SYCP2L: variants seen among roughly 807,000 people sequenced by gnomAD.
The protein encoded by SYCP2L is synaptonemal complex protein 2-like.
SYCP2L carries 98 observed loss-of-function variants against 125.8 expected under a neutral mutation model. The ratio of observed to expected loss-of-function variants is 0.78; its 90% CI spans 0.66 to 0.92. The LOEUF is 0.92. Among genes scored for constraint, SYCP2L ranks in the 40% least tolerant of loss-of-function variants. SYCP2L has a pLI of 0.00. For synonymous variants in SYCP2L, 317 were observed against 325.4 expected (o/e 0.97, Z 0.28); for missense variants, 842 against 936.4 (o/e 0.90, Z 1.32).
intron 29 of SYCP2L, among the ~76,000 whole-genome samples, chr6:10,972,976 C>T (rs929260460): frequency 6.6e-6 from 1 of 152,182 alleles, no homozygotes; most frequent in Non-Finnish European, 1.5e-5. Flanking sequence ...CTGAGTGTGT[C>T]ACAGCACTCC....
At chr6:10,905,142 C>CAAAAAAAAAAAA (rs34659978) in intron 8 of SYCP2L, among the ~76,000 whole-genome samples, 14 of 54,646 alleles carry the variant, frequency 2.6e-4, no homozygotes, top group Non-Finnish European at 3.2e-4. Context: ...GACTTGGTCT[C>CAAAAAAAAAAAA]AAAAAAAAAA....
At chr6:10,924,423 T>A in intron 14 of SYCP2L, 73 bp from the exon 15 acceptor site, 2 of 1,286,194 alleles carry the variant, frequency 1.6e-6, no homozygotes, top group Non-Finnish European at 2.1e-6. Context: ...GCGTAGTTAT[T>A]TAAAATGATA....
chr6:10,955,034 C>G lies in SYCP2L; in HGVS notation c.1955-82C>G, dbSNP rs1297884114. ...GGCAGGGGACAAGTTTCAGATGGTA[C>G]TCTTCACAGTAAGACATTAACTGCC... is the stretch of plus-strand genomic sequence containing the variant. On this transcript the variant is annotated intron_variant, in intron 23 of 29. Transcript: ENST00000283141. 3.3e-6 allele frequency: 3 copies of G among 922,628 alleles called. No homozygotes were observed. The African/African-American group carries it at 4.9e-5, about 15-fold the overall frequency. 57.2% of individuals were successfully genotyped at this position (922,628 alleles called of 1,614,324 possible).
intron 23 of SYCP2L, among the ~76,000 whole-genome samples, chr6:10,952,511 C>A (rs75116929): frequency 0.027 from 4,082 of 151,652 alleles, 152 homozygotes; most frequent in East Asian, 0.2. Context: ...TTGCTTTGCC[C>A]CAGGTATGCA....
intron 21 of SYCP2L, among the ~76,000 whole-genome samples, chr6:10,938,274 G>A (rs995828880): frequency 2.6e-5 from 4 of 152,144 alleles, no homozygotes; most frequent in African/African-American, 9.7e-5. Flanking sequence ...ATCAATAAAT[G>A]TGATAAACCA....
rs183508699 is a variant in SYCP2L, at chr6:10,895,841, C to T, written c.336+1637C>T. The stretch of plus-strand genomic sequence containing the variant: ...TTGCAGACTGAACACAAAGTGTGCT[C>T]GGAAGTTCTTCTACTACATAGAATA... On this transcript the variant is annotated intron_variant, in intron 4 of 29. Transcript: ENST00000283141. 3.3e-5 allele frequency among the ~76,000 whole-genome samples: 5 copies of T among 151,512 alleles called. No homozygotes were observed. The East Asian group carries it at 8.0e-4, about 24-fold the overall frequency.
In SYCP2L at chr6:10,954,652, C is replaced by T. The variant is rs1002472085; in HGVS notation, c.1955-464C>T. Among the ~76,000 whole-genome samples the T allele has an allele frequency of 4.6e-5, 7 of 152,172 alleles. No individual in the cohort carries two copies. The highest frequency in any genetic ancestry group is 8.8e-5 in the Non-Finnish European group (6 of 68,032). On this transcript the variant is annotated intron_variant, in intron 23 of 29. Transcript: ENST00000283141. This position sits in a 1 kb window ranked among gnomAD's most constrained non-coding sequence, Gnocchi z 4.8. ...CAAAATCACTTGAGCTGTGAGGAGG[C>T]AAGATGGCCTCGTTTATGACGTAGC... is the stretch of plus-strand genomic sequence containing the variant.
intron 29 of SYCP2L, among the ~76,000 whole-genome samples, chr6:10,966,070 G>A (rs1781671103): frequency 6.6e-6 from 1 of 152,120 alleles, no homozygotes; most frequent in Admixed American, 6.5e-5. Flanking sequence ...CTGAAGTCAT[G>A]CCACTGCACT....
At chr6:10,892,967 A>C (rs1016238758) in intron 2 of SYCP2L, among the ~76,000 whole-genome samples, 1 of 106,852 alleles carries the variant, frequency 9.4e-6, no homozygotes, top group Non-Finnish European at 2.0e-5. Flanking sequence ...AATCTTTTAT[A>C]GTTTAAATGT....
chr6:10,958,841 C>G lies in SYCP2L; in HGVS notation c.2221C>G (p.Leu741Val), dbSNP rs55931373. The change falls in exon 26 of 30, where the codon CTA becomes GTA. Residue 741 changes from leucine to valine, a missense_variant. Transcript: ENST00000283141. The part of the protein sequence containing the change: ...SENAKKAPDC[L>V]IKLLNQMQLF... ...AAATGCAAAGAAAGCACCGGATTGC[C>G]TAATAAAACTTTTAAACCAGATGCA... 1 of 1,613,952 alleles carries G rather than the reference C, an allele frequency of 6.2e-7. No homozygotes were observed. Among genetic ancestry groups the G allele is most frequent in the South Asian group, 1.1e-5 (1 of 91,026 alleles).
rs1212433158 is a variant in SYCP2L, at chr6:10,927,342, T to C, written c.1415T>C (p.Ile472Thr). ...AATGACCAATCTGAGCCACCTGTTA[T>C]TGGGGAACCTGCCTCTGATAGTCAC... is the stretch of plus-strand genomic sequence containing the variant. Reference protein sequence around the residue: ...HLNDQSEPPVIGEPASDSHLQ... With the variant: ...HLNDQSEPPVTGEPASDSHLQ... Residue 472 changes from isoleucine to threonine, a missense_variant, in exon 17 of 30, where the codon ATT (isoleucine) becomes ACT (threonine). Coordinates refer to ENST00000283141, the MANE Select transcript of SYCP2L (RefSeq NM_001040274.3). The C allele has an allele frequency of 5.0e-6, 8 of 1,613,708 alleles. No individual in the cohort carries two copies. The highest frequency in any genetic ancestry group is 1.1e-5 in the South Asian group (1 of 91,072).
chr6:10,924,689 T>C (rs1316424122), intron 15 of SYCP2L, 48 bp downstream of exon 15: 6 of 1,413,974 alleles, frequency 4.2e-6, no homozygotes, highest in Non-Finnish European at 5.5e-6. Flanking sequence ...TTTAGTATGT[T>C]TCATGTCTAT....
At chr6:10,905,902 C>A in intron 8 of SYCP2L, 118 bp from the exon 9 acceptor site, 1 of 648,018 alleles carries the variant, frequency 1.5e-6, no homozygotes, top group Non-Finnish European at 2.6e-6. Context: ...AATTTTGATG[C>A]TGAATTTGAA....
Position 10,897,626 on chromosome 6 carries a change from G to A in SYCP2L, c.337-385G>A, listed in dbSNP as rs115576976. Among the ~76,000 whole-genome samples the A allele has an allele frequency of 4.0e-3, 609 of 152,182 alleles. 3 individuals carry two copies. The highest frequency in any genetic ancestry group is 0.014 in the Middle Eastern group (4 of 294). On this transcript the variant is annotated intron_variant, in intron 4 of 29. Coordinates refer to ENST00000283141, the MANE Select transcript of SYCP2L (RefSeq NM_001040274.3). Reference sequence around the variant, plus strand: ...GAAGTTTAACCATCTTTCCCAGGCTGGTCTTGAACTCCTGGCCTCAAGTGA... The same window carrying A: ...GAAGTTTAACCATCTTTCCCAGGCTAGTCTTGAACTCCTGGCCTCAAGTGA...
intron 21 of SYCP2L, among the ~76,000 whole-genome samples, chr6:10,940,350 T>C (rs189940815): frequency 6.6e-6 from 1 of 152,098 alleles, no homozygotes; most frequent in African/African-American, 2.4e-5. Flanking sequence ...GCAGATAAAA[T>C]CAGCATCTTG....
At position 10,893,937 on chromosome 6, in the gene SYCP2L, AAG is replaced by A. The variant is rs1196215011; in HGVS notation, c.154_155del (p.Ser52ProfsTer7). The A allele has an allele frequency of 3.1e-6, 5 of 1,612,806 alleles. No individual in the cohort carries two copies. The Admixed American group carries it at 5.0e-5, about 16-fold the overall frequency. On this transcript the variant is annotated frameshift_variant, in exon 3 of 30. Transcript: ENST00000283141. LOFTEE classifies it high-confidence loss of function. ...AAAATAAAAGAATACTTTCAACAGA[AAG>A]AGAGCCACTTTCCTCAAAAATATAA...
Position 10,906,070 on chromosome 6 carries a change from A to G in SYCP2L, c.676+16A>G. The G allele has an allele frequency of 6.5e-7, 1 of 1,536,610 alleles. No individual in the cohort carries two copies. The highest frequency in any genetic ancestry group is 9.0e-7 in the Non-Finnish European group (1 of 1,111,364). On this transcript the variant is annotated intron_variant, in intron 9 of 29. Coordinates refer to ENST00000283141, the MANE Select transcript of SYCP2L (RefSeq NM_001040274.3). ...ACTGTGGGTGGTAAGAAATTTTAGA[A>G]TTTTCAGTATTAGAATATTAAATAT...
At chr6:10,969,747 T>A (rs904768061) in intron 29 of SYCP2L, among the ~76,000 whole-genome samples, 2 of 151,986 alleles carry the variant, frequency 1.3e-5, no homozygotes, top group Non-Finnish European at 2.9e-5. Context: ...AATAGGGAGA[T>A]AATGGAAAGT....
chr6:10,956,223 A>C lies in SYCP2L; in HGVS notation c.2144A>C (p.Lys715Thr). The change falls in exon 25 of 30, where the codon AAA becomes ACA. Residue 715 changes from lysine to threonine, a missense_variant. Transcript: ENST00000283141. Reference sequence around the variant, plus strand: ...CCAACCTTTGAAAACTTCACTAAAAAACGGAAAAGAAAATATGAGGTAGTA... The same window carrying C: ...CCAACCTTTGAAAACTTCACTAAAACACGGAAAAGAAAATATGAGGTAGTA... ...ILPTFENFTK[K>T]RKRKYELRYR... is the part of the protein sequence containing the mutation. 1 of 1,613,492 alleles carries C rather than the reference A, an allele frequency of 6.2e-7. No individual in the cohort carries two copies.
Sources: gnomAD v4.1 joint callset for allele counts (sites outside exome capture counted in the v4.1 genomes callset) on GRCh38, gnomAD v4.1.1 for gene constraint, Gnocchi (gnomAD v3.1) non-coding constraint, MANE v1.5 for transcripts, NCBI Gene and HGNC (gene_info 2026-07-23, HGNC 2026-07-21) for gene names.